IPCEF1: variants seen among roughly 807,000 people sequenced by gnomAD.
IPCEF1 encodes interaction protein for cytohesin exchange factors 1.
IPCEF1 carries 31 observed loss-of-function variants against 50.9 expected under a neutral mutation model. That is an observed-to-expected ratio of 0.61 (90% CI 0.46 to 0.82). IPCEF1 has a LOEUF of 0.82. IPCEF1 is among the 40% of genes least tolerant of loss of function. The probability of loss-of-function intolerance (pLI) is 0.00; values close to 1 mark genes in which losing one functional copy is unlikely to be tolerated. For missense variants in IPCEF1, 458 were observed against 514.0 expected (o/e 0.89, Z 1.05); for synonymous variants, 181 against 192.0 (o/e 0.94, Z 0.47).
chr6:154,196,244 T>C (rs966963879), intron 10 of IPCEF1, among the ~76,000 whole-genome samples: 9 of 152,320 alleles, frequency 5.9e-5, no homozygotes, highest in East Asian at 1.9e-4. Context: ...TGAGGAGGCA[T>C]ACTGCATGAT....
rs751671320 is a variant in IPCEF1, at chr6:154,246,761, C to T, written c.77-1G>A. On this transcript the variant is annotated splice_acceptor_variant, in intron 4 of 11. Transcript: ENST00000367220. LOFTEE classifies it high-confidence loss of function. The stretch of plus-strand genomic sequence containing the variant: ...CTCCTCCGACTCATCGTGAGAAAAC[C>T]TGCAATGATTACATGAAGAGGTAGA... 6.2e-7 allele frequency: 1 copy of T among 1,613,520 alleles called. No individual in the cohort carries two copies. Among genetic ancestry groups the T allele is most frequent in the East Asian group, 2.2e-5 (1 of 44,864 alleles).
At chr6:154,355,034 ACACACACACAC>A (rs971210610) in intron 1 of IPCEF1, among the ~76,000 whole-genome samples, 1 of 74,992 alleles carries the variant, frequency 1.3e-5, no homozygotes, top group Non-Finnish European at 2.8e-5. Flanking sequence ...ACACACACAC[ACACACACACAC>A]CATTTGCCAC....
chr6:154,290,219 G>A (rs769849729), intron 1 of IPCEF1, among the ~76,000 whole-genome samples: 2 of 152,080 alleles, frequency 1.3e-5, no homozygotes, highest in South Asian at 2.1e-4. Flanking sequence ...GGGAACACTC[G>A]ACTGGTAAGG....
chr6:154,199,851 C>G lies in IPCEF1; in HGVS notation c.727G>C (p.Val243Leu). The G allele has an allele frequency of 3.7e-6, 6 of 1,614,206 alleles. No individual in the cohort carries two copies. The highest frequency in any genetic ancestry group is 5.1e-6 in the Non-Finnish European group (6 of 1,180,030). The change falls in exon 10 of 12, where the codon GTG (valine) becomes CTG (leucine). Residue 243 changes from valine (V) to leucine (L), a missense_variant. By Grantham distance (32) the Val-to-Leu change is conservative. Coordinates refer to ENST00000367220, the MANE Select transcript of IPCEF1 (RefSeq NM_001130700.2). ...GAGGGTACAGGTGAATGAACTTGCACAGCAAACGTTATTGGTTGTCCCTCA... is the reference window on the plus strand; with the variant it reads ...GAGGGTACAGGTGAATGAACTTGCAGAGCAAACGTTATTGGTTGTCCCTCA... ...EDEGQPITFA[V>L]QVHSPVPSEA...
Position 154,268,711 on chromosome 6 carries a change from T to A in IPCEF1, c.-17-2747A>T, listed in dbSNP as rs112730076. Among the ~76,000 whole-genome samples the A allele has an allele frequency of 4.2e-3, 638 of 152,256 alleles. 8 individuals carry two copies. Among genetic ancestry groups the A allele is most frequent in the Non-Finnish European group, 4.2e-3 (287 of 68,018 alleles). ...CCACGACCTCATCTCCGGCCCTTCC[T>A]TGGGTTGTTTCCGTATCTGTTTCTA... On this transcript the variant is annotated intron_variant, in intron 2 of 11. Coordinates refer to ENST00000367220, the MANE Select transcript of IPCEF1 (RefSeq NM_001130700.2).
chr6:154,196,025 C>T (rs188176003), intron 10 of IPCEF1, among the ~76,000 whole-genome samples: 16 of 151,680 alleles, frequency 1.1e-4, no homozygotes, highest in African/African-American at 3.1e-4. Context: ...CTCCTGACCT[C>T]GTGATCCGCC....
At chr6:154,339,142 C>A (rs1326523053) in intron 1 of IPCEF1, among the ~76,000 whole-genome samples, 3 of 152,070 alleles carry the variant, frequency 2.0e-5, no homozygotes, top group African/African-American at 7.3e-5. Context: ...TTCAGGGCAA[C>A]TTGAATCTGT....
intron 1 of IPCEF1, among the ~76,000 whole-genome samples, chr6:154,303,957 G>T (rs73571029): frequency 0.12 from 18,654 of 151,506 alleles, 2,307 homozygotes; most frequent in African/African-American, 0.32. Context: ...CCAGGCAAGG[G>T]GGCATGCATC....
intron 2 of IPCEF1, among the ~76,000 whole-genome samples, chr6:154,285,566 G>C (rs1254454505): frequency 2.6e-5 from 4 of 152,068 alleles, no homozygotes; most frequent in Non-Finnish European, 4.4e-5. Flanking sequence ...CTGAAAAACA[G>C]ATTCTGTTTT....
chr6:154,181,837 T>C (rs1308987813), intron 10 of IPCEF1, among the ~76,000 whole-genome samples: 2 of 152,110 alleles, frequency 1.3e-5, no homozygotes, highest in Admixed American at 1.3e-4. Flanking sequence ...CACTTGGGGA[T>C]CATGAACCAG....
At chr6:154,343,825 T>C (rs947349259) in intron 1 of IPCEF1, among the ~76,000 whole-genome samples, 7 of 152,176 alleles carry the variant, frequency 4.6e-5, no homozygotes, top group African/African-American at 1.7e-4. Flanking sequence ...CTGGCAACCT[T>C]TGATATGCAA....
chr6:154,163,655 T>A (rs1204314291), intron 11 of IPCEF1, among the ~76,000 whole-genome samples: 1 of 152,222 alleles, frequency 6.6e-6, no homozygotes, highest in Non-Finnish European at 1.5e-5. Context: ...CATGTAGACA[T>A]TCGTTGAATA....
chr6:154,355,031 C>T (rs1276891112), intron 1 of IPCEF1, among the ~76,000 whole-genome samples: 1 of 84,870 alleles, frequency 1.2e-5, no homozygotes, highest in Non-Finnish European at 3.0e-5. Flanking sequence ...CACACACACA[C>T]ACACACACAC....
intron 5 of IPCEF1, among the ~76,000 whole-genome samples, chr6:154,235,097 C>T (rs543315936): frequency 6.6e-6 from 1 of 152,316 alleles, no homozygotes; most frequent in Non-Finnish European, 1.5e-5. Context: ...AAAATCTCAC[C>T]ATTACAGACT....
At chr6:154,284,225 A>G (rs1259081748) in intron 2 of IPCEF1, among the ~76,000 whole-genome samples, 1 of 152,256 alleles carries the variant, frequency 6.6e-6, no homozygotes, top group Non-Finnish European at 1.5e-5. Context: ...ACCTAAAGTC[A>G]GAAAGTAAAA....
At position 154,328,817 on chromosome 6, in the gene IPCEF1, T is replaced by C. The variant is rs1180105314; in HGVS notation, c.-62+27855A>G. On this transcript the variant is annotated intron_variant, in intron 1 of 11. Transcript: ENST00000367220. ...CTACTTTATCATTCCAGGTTCCCGG[T>C]CTCACTTTAGAAAAATTAAGCAATT... is the stretch of plus-strand genomic sequence containing the variant. Among the ~76,000 whole-genome samples the C allele has an allele frequency of 4.6e-5, 7 of 152,152 alleles. No homozygotes were observed. The East Asian group carries it at 1.2e-3, about 25-fold the overall frequency.
chr6:154,174,126 A>G (rs1407578187), intron 10 of IPCEF1, among the ~76,000 whole-genome samples: 1 of 152,194 alleles, frequency 6.6e-6, no homozygotes, highest in Non-Finnish European at 1.5e-5. Context: ...AAATGCTGAG[A>G]GATTTTGTCA....
intron 9 of IPCEF1, among the ~76,000 whole-genome samples, chr6:154,204,586 AC>A (rs1583790844): frequency 6.6e-6 from 1 of 152,106 alleles, no homozygotes; most frequent in African/African-American, 2.4e-5. Flanking sequence ...TCTGTCACTG[AC>A]CTTCTGCATG....
intron 9 of IPCEF1, among the ~76,000 whole-genome samples, chr6:154,200,386 C>A (rs191910069): frequency 6.6e-6 from 1 of 152,310 alleles, no homozygotes; most frequent in East Asian, 1.9e-4. Flanking sequence ...AATTTGCAAT[C>A]TATCACTGAA....
Sources: gnomAD v4.1 joint callset for allele counts (sites outside exome capture counted in the v4.1 genomes callset) on GRCh38, gnomAD v4.1.1 for gene constraint, MANE v1.5 for transcripts, NCBI Gene and HGNC (gene_info 2026-07-23, HGNC 2026-07-21) for gene names.